Variants in PIGN observed in about 807,000 individuals in gnomAD.
The protein encoded by PIGN is phosphatidylinositol glycan anchor biosynthesis class N, also known as GPI ethanolamine phosphate transferase 1.
In PIGN, 117 loss-of-function variants were observed where a neutral mutation model predicts 125.4. That is an observed-to-expected ratio of 0.93 (90% confidence interval 0.80 to 1.09). PIGN has a LOEUF of 1.09. Among genes scored for constraint, PIGN ranks in the 50% least tolerant of loss-of-function variants. The pLI is 0.00. For synonymous variants in PIGN, 392 were observed against 377.8 expected, an observed-to-expected ratio of 1.04 and a Z score of -0.44; for missense variants, 1,075 against 1,094.9, an observed-to-expected ratio of 0.98 and a Z score of 0.26.
intron 14 of PIGN, among the ~76,000 whole-genome samples, chr18:62,125,177 TAAATATACAC>T (rs2035481530): frequency 7.5e-6 from 1 of 133,162 alleles, no homozygotes; most frequent in Non-Finnish European, 1.7e-5. Context: ...TATGTGTATA[TAAATATACAC>T]GTTTGTACAT....
chr18:62,048,944 T>C (rs1362930512), intron 30 of PIGN, among the ~76,000 whole-genome samples: 1 of 148,640 alleles, frequency 6.7e-6, no homozygotes, highest in African/African-American at 2.5e-5. Context: ...TGAGTGAGAA[T>C]ATGCGGTGTT....
chr18:62,137,498 G>C (rs1290220710), intron 14 of PIGN: 2 of 164,740 alleles, frequency 1.2e-5, no homozygotes, highest in Non-Finnish European at 2.6e-5. Context: ...CCCAGTAGAA[G>C]CTGATGTCTC....
At chr18:62,102,045 T>C (rs1056693946) in intron 21 of PIGN, among the ~76,000 whole-genome samples, 10 of 151,686 alleles carry the variant, frequency 6.6e-5, no homozygotes, top group Non-Finnish European at 1.2e-4. Flanking sequence ...CTGGCCAACG[T>C]GGTGAAACCC....
intron 30 of PIGN, among the ~76,000 whole-genome samples, chr18:62,051,319 T>G (rs1385867166): frequency 6.6e-6 from 1 of 152,242 alleles, no homozygotes; most frequent in Non-Finnish European, 1.5e-5. Flanking sequence ...TGGCTGTGAA[T>G]CCATCTGGTC....
At chr18:62,159,334 A>T (rs1157033639) in intron 4 of PIGN, among the ~76,000 whole-genome samples, 1 of 152,186 alleles carries the variant, frequency 6.6e-6, no homozygotes, top group Non-Finnish European at 1.5e-5. Context: ...ATGGCACACA[A>T]CACAAAACAT....
At chr18:62,080,761 G>A (rs908476027) in intron 28 of PIGN, among the ~76,000 whole-genome samples, 1 of 152,120 alleles carries the variant, frequency 6.6e-6, no homozygotes, top group Non-Finnish European at 1.5e-5. Context: ...GTTATGGGCT[G>A]CCAACCTCCA....
chr18:62,098,431 T>TA (rs1210285400), intron 22 of PIGN, among the ~76,000 whole-genome samples: 2 of 151,992 alleles, frequency 1.3e-5, no homozygotes, highest in Non-Finnish European at 2.9e-5. Flanking sequence ...TGTTAAGAAA[T>TA]AAAAAAATAA....
chr18:62,059,912 C>T (rs950677900), intron 30 of PIGN, among the ~76,000 whole-genome samples: 1 of 152,154 alleles, frequency 6.6e-6, no homozygotes, highest in African/African-American at 2.4e-5. Context: ...CCATCACTTA[C>T]AGGTTAAAAT....
intron 7 of PIGN, chr18:62,153,463 C>T (rs1340137871): frequency 6.6e-6 from 1 of 152,134 alleles, no homozygotes; most frequent in African/African-American, 2.4e-5. Flanking sequence ...TATGTACATT[C>T]ACAAGGAATC....
At chr18:62,099,419 T>G (rs2034346948) in intron 22 of PIGN, among the ~76,000 whole-genome samples, 1 of 152,080 alleles carries the variant, frequency 6.6e-6, no homozygotes. Flanking sequence ...ACAAAAATTA[T>G]GACATCCTTC....
chr18:62,053,805 C>A (rs1254751857), intron 30 of PIGN, among the ~76,000 whole-genome samples: 1 of 152,166 alleles, frequency 6.6e-6, no homozygotes, highest in Non-Finnish European at 1.5e-5. Context: ...AATACATGCT[C>A]TTTTCAAGTG....
chr18:62,108,482 C>A (rs1464750310), intron 17 of PIGN, among the ~76,000 whole-genome samples: 2 of 152,044 alleles, frequency 1.3e-5, no homozygotes, highest in African/African-American at 2.4e-5. Context: ...TGCAACAACC[C>A]TATTCCTTTC....
At chr18:62,113,973 T>C (rs1028881304) in intron 15 of PIGN, among the ~76,000 whole-genome samples, 4 of 152,184 alleles carry the variant, frequency 2.6e-5, no homozygotes, top group African/African-American at 9.7e-5. Flanking sequence ...AAACATATAG[T>C]ATTCTAAAAT....
At chr18:62,173,951 T>C (rs560626210) in intron 1 of PIGN, among the ~76,000 whole-genome samples, 289 of 152,228 alleles carry the variant, frequency 1.9e-3, no homozygotes, top group Non-Finnish European at 3.3e-3. Flanking sequence ...TGCGGTGGCT[T>C]ACGCCTGTAA....
At chr18:62,053,735 A>G in intron 30 of PIGN, among the ~76,000 whole-genome samples, 1 of 152,308 alleles carries the variant, frequency 6.6e-6, no homozygotes, top group South Asian at 2.1e-4. Context: ...ACAGAACTCA[A>G]CACTATCAAA....
At chr18:62,052,009 G>C (rs1270434749) in intron 30 of PIGN, 1 of 152,170 alleles carries the variant, frequency 6.6e-6, no homozygotes, top group Non-Finnish European at 1.5e-5. Flanking sequence ...TAGTTGAGTG[G>C]TTTTGAGTGA....
chr18:62,059,675 A>G (rs1269512545), intron 30 of PIGN, among the ~76,000 whole-genome samples: 1 of 152,234 alleles, frequency 6.6e-6, no homozygotes, highest in East Asian at 1.9e-4. Flanking sequence ...GTGAACAGGT[A>G]GAGGGTATTT....
chr18:62,152,409 C>A (rs771441696), intron 7 of PIGN, among the ~76,000 whole-genome samples: 10 of 151,842 alleles, frequency 6.6e-5, no homozygotes, highest in Non-Finnish European at 1.5e-4. Context: ...ATGTCCAACA[C>A]CCACTTCCCC....
intron 16 of PIGN, among the ~76,000 whole-genome samples, chr18:62,111,784 C>A (rs889160591): frequency 6.6e-6 from 1 of 152,118 alleles, no homozygotes; most frequent in Non-Finnish European, 1.5e-5. Context: ...GACAATTATT[C>A]TTTTTCCAAT....
Sources: gnomAD v4.1 joint callset for allele counts (sites outside exome capture counted in the v4.1 genomes callset) on GRCh38, gnomAD v4.1.1 for gene constraint, MANE v1.5 for transcripts, NCBI Gene and HGNC (gene_info 2026-07-23, HGNC 2026-07-21) for gene names.